The following C15orf40 variants were observed in gnomAD, a reference collection of about 807,000 sequenced individuals.
The protein encoded by C15orf40 is chromosome 15 open reading frame 40.
C15orf40 carries 9 observed loss-of-function variants against 13.9 expected under a neutral mutation model. That is an observed-to-expected ratio of 0.65 (90% CI 0.39 to 1.13). The LOEUF (loss-of-function observed/expected upper bound fraction) is 1.13, where lower values mean the gene tolerates loss of function less well. Ranked by LOEUF, C15orf40 falls within the 50% of genes most tolerant of loss-of-function variation. The probability of loss-of-function intolerance (pLI) is 0.01; values close to 1 mark genes in which losing one functional copy is unlikely to be tolerated. For synonymous variants in C15orf40, 95 were observed against 69.2 expected (o/e 1.37, Z -1.85); for missense variants, 225 against 188.5 (o/e 1.19, Z -1.13).
downstream of C15orf40, chr15:82,990,774 A>C (rs974249996): frequency 6.5e-6 from 5 of 774,224 alleles, no homozygotes; most frequent in Non-Finnish European, 1.1e-5. Flanking sequence ...TAGCAGGTCA[A>C]AATTCACACA....
intron 3 of C15orf40, among the ~76,000 whole-genome samples, chr15:83,007,170 A>C (rs2031732298): frequency 6.6e-6 from 1 of 152,200 alleles, no homozygotes; most frequent in South Asian, 2.1e-4. Context: ...CTCCACCCCT[A>C]GTGCAAAACC....
chr15:83,007,514 T>C (rs1011264621), intron 3 of C15orf40, among the ~76,000 whole-genome samples: 3 of 152,160 alleles, frequency 2.0e-5, no homozygotes, highest in African/African-American at 7.2e-5. Context: ...TAAGTAAATA[T>C]AAAAGTTATA....
chr15:83,010,604 G>T, intron 1 of C15orf40: 2 of 453,726 alleles, frequency 4.4e-6, no homozygotes, highest in Admixed American at 3.7e-5. Flanking sequence ...ACCTAACTCT[G>T]GCTTCTAAAC....
In C15orf40 at chr15:82,998,068, C is replaced by G. The variant is rs1237845095; in HGVS notation, c.*7529G>C. ...GCTGACCCCCCATCTCCCTCCCGGACGGGGTGGCTGGCCGGGCTGAGGGGC... is the reference window on the plus strand; with the variant it reads ...GCTGACCCCCCATCTCCCTCCCGGAGGGGGTGGCTGGCCGGGCTGAGGGGC... On this transcript the variant is annotated 3_prime_UTR_variant, in exon 4 of 4. Coordinates refer to ENST00000304177, the MANE Select transcript of C15orf40 (RefSeq NM_144597.3). 1 of 139,502 alleles carries G rather than the reference C, an allele frequency of 7.2e-6. No homozygotes were observed. Among genetic ancestry groups the G allele is most frequent in the East Asian group, 2.2e-4 (1 of 4,570 alleles). The allele number at this position is 139,502 out of a possible 1,614,324, so 8.6% of individuals were successfully genotyped here. A position where few individuals can be genotyped will look rare whatever the true frequency, so the allele number is the denominator to read the frequency against.
chr15:83,003,452 AT>A lies in C15orf40; in HGVS notation c.*2144del. On this transcript the variant is annotated 3_prime_UTR_variant, in exon 4 of 4. Coordinates refer to ENST00000304177, the MANE Select transcript of C15orf40 (RefSeq NM_144597.3). ...AGGAAAGTTGATCTTTTATGATATC[AT>A]TTTATGACATTCTAACAGTGATCCA... 6.6e-6 allele frequency: 1 copy of A among 152,216 alleles called. No individual in the cohort carries two copies. Among genetic ancestry groups the A allele is most frequent in the Non-Finnish European group, 1.5e-5 (1 of 68,002 alleles). 9.4% of individuals were successfully genotyped at this position (152,216 alleles called of 1,614,324 possible). A position where few individuals can be genotyped will look rare whatever the true frequency, so the allele number is the denominator to read the frequency against.
In C15orf40 at chr15:82,995,020, TCTG is replaced by T. The variant is rs1320965991; in HGVS notation, c.*10574_*10576del. 1 of 152,248 alleles carries T rather than the reference TCTG, an allele frequency of 6.6e-6. No individual in the cohort carries two copies. Among genetic ancestry groups the T allele is most frequent in the Non-Finnish European group, 1.5e-5 (1 of 68,050 alleles). The allele number at this position is 152,248 out of a possible 1,614,324, so 9.4% of individuals were successfully genotyped here. On this transcript the variant is annotated 3_prime_UTR_variant, in exon 4 of 4. Transcript: ENST00000304177. ...ATCTAAACAAAGATTTCTCCTGACA[TCTG>T]CTGTATTAAATTATTATAGAATGAA...
chr15:83,005,330 G>A lies in C15orf40; in HGVS notation c.*267C>T, dbSNP rs1346490800. 9 of 928,162 alleles carry A rather than the reference G, an allele frequency of 9.7e-6. No individual in the cohort carries two copies. In the East Asian group the frequency reaches 8.6e-4, roughly 88 times the overall value. 57.5% of individuals were successfully genotyped at this position (928,162 alleles called of 1,614,324 possible). ...AGAGAGTTTCACTCTTGTTGCCCAG[G>A]CTGGAGTGCAACGGCGCGATCTCGG... On this transcript the variant is annotated 3_prime_UTR_variant, in exon 4 of 4. Coordinates refer to ENST00000304177, the MANE Select transcript of C15orf40 (RefSeq NM_144597.3).
downstream of C15orf40, chr15:82,990,576 T>C (rs2030812158): frequency 1.7e-6 from 2 of 1,209,356 alleles, no homozygotes; most frequent in Admixed American, 4.5e-5. Flanking sequence ...TAAGTGACTA[T>C]GGTACTTTGT....
At chr15:83,008,790 A>C in intron 2 of C15orf40, 115 bp from the exon 3 acceptor site, 1 of 1,177,950 alleles carries the variant, frequency 8.5e-7, no homozygotes, top group Non-Finnish European at 1.2e-6. Flanking sequence ...TCAATTAAAA[A>C]CTGTTGAATG....
At chr15:83,010,387 T>C (rs2031931908) in intron 1 of C15orf40, 24 bp from the exon 2 acceptor site, 1 of 1,613,662 alleles carries the variant, frequency 6.2e-7, no homozygotes, top group Non-Finnish European at 8.5e-7. Flanking sequence ...CACACAACTT[T>C]ACAGGTTACA....
At chr15:82,992,305 G>A (rs1348980097), downstream of C15orf40, among the ~76,000 whole-genome samples, 1 of 151,782 alleles carries the variant, frequency 6.6e-6, no homozygotes, top group East Asian at 1.9e-4. Context: ...CACCCCAGGT[G>A]AGGAGTTCGA....
downstream of C15orf40, chr15:82,990,026 C>T (rs748696584): frequency 1.3e-6 from 2 of 1,552,960 alleles, no homozygotes; most frequent in South Asian, 2.3e-5. Flanking sequence ...GCAATATGGA[C>T]ATTATGGTTA....
At chr15:83,010,196 C>T in intron 2 of C15orf40, 41 bp downstream of exon 2, 1 of 1,612,634 alleles carries the variant, frequency 6.2e-7, no homozygotes, top group South Asian at 1.1e-5. Flanking sequence ...GTAGGAGACA[C>T]CTGATTCACA....
chr15:82,990,480 GCA>G (rs2030807769), downstream of C15orf40: 3 of 583,594 alleles, frequency 5.1e-6, no homozygotes, highest in East Asian at 8.5e-5. Context: ...GCTCATGAAT[GCA>G]CAGCTATGCT....
chr15:83,007,017 C>T (rs1408800419), intron 3 of C15orf40, among the ~76,000 whole-genome samples: 1 of 152,086 alleles, frequency 6.6e-6, no homozygotes, highest in Non-Finnish European at 1.5e-5. Flanking sequence ...TGGATAGGAG[C>T]TATATAGTAT....
At chr15:82,989,191 G>T (rs777302910), downstream of C15orf40, 1 of 1,611,898 alleles carries the variant, frequency 6.2e-7, no homozygotes, top group South Asian at 1.1e-5. Context: ...GGCAATCGGT[G>T]TGTATTCAAA....
In C15orf40 at chr15:82,996,337, C is replaced by T. The variant is rs1290774955; in HGVS notation, c.*9260G>A. 2 of 152,248 alleles carry T rather than the reference C, an allele frequency of 1.3e-5. No homozygotes were observed. Among genetic ancestry groups the T allele is most frequent in the Admixed American group, 6.5e-5 (1 of 15,286 alleles). The allele number at this position is 152,248 out of a possible 1,614,324, so 9.4% of individuals were successfully genotyped here. A position where few individuals can be genotyped will look rare whatever the true frequency, so the allele number is the denominator to read the frequency against. ...TTTTCTCATTTTAAAATTTCCTCAA[C>T]TTGTGTGTTTACAAAATAATAAAGC... On this transcript the variant is annotated 3_prime_UTR_variant, in exon 4 of 4. Transcript: ENST00000304177.
rs62010161 is a variant in C15orf40, at chr15:82,999,052, G to T, written c.*6545C>A. 0.017 allele frequency: 2,214 copies of T among 128,156 alleles called. 1 individual carries two copies. Among genetic ancestry groups the T allele is most frequent in the African/African-American group, 0.041 (1,192 of 28,724 alleles). The allele number at this position is 128,156 out of a possible 1,614,324, so 7.9% of individuals were successfully genotyped here. A position where few individuals can be genotyped will look rare whatever the true frequency, so the allele number is the denominator to read the frequency against. ...GCGCGCGCCTGCAATCACAGGCACT[G>T]GGCAGGCTGAGGCAGGAGAATCAGG... is the stretch of plus-strand genomic sequence containing the variant. On this transcript the variant is annotated 3_prime_UTR_variant, in exon 4 of 4. Transcript: ENST00000304177.
At position 83,011,550 on chromosome 15, in the gene C15orf40, A is replaced by C; in HGVS notation, c.58T>G (p.Ser20Ala). Residue 20 changes from serine to alanine, a missense_variant, in exon 1 of 4, where the codon TCC becomes GCC. Coordinates refer to ENST00000304177, the MANE Select transcript of C15orf40 (RefSeq NM_144597.3). The part of the protein sequence containing the change: ...HLRATPNTRG[S>A]ARLLCAEMPK... Reference sequence around the variant, plus strand: ...ATCTCGGCGCAAAGAAGCCGAGCGGAGCCCCGAGTATTGGGTGTTGCCCGA... The same window carrying C: ...ATCTCGGCGCAAAGAAGCCGAGCGGCGCCCCGAGTATTGGGTGTTGCCCGA... 1 of 1,606,686 alleles carries C rather than the reference A, an allele frequency of 6.2e-7. No homozygotes were observed.
Sources: gnomAD v4.1 joint callset for allele counts (sites outside exome capture counted in the v4.1 genomes callset) on GRCh38, gnomAD v4.1.1 for gene constraint, MANE v1.5 for transcripts, NCBI Gene and HGNC (gene_info 2026-07-23, HGNC 2026-07-21) for gene names.